CCDC88C: variants seen among roughly 807,000 people sequenced by gnomAD.
The protein encoded by CCDC88C is coiled-coil and HOOK domain protein 88C.
Under a neutral mutation model 198.8 loss-of-function variants are expected in CCDC88C, and 131 were observed. The observed-to-expected ratio is 0.66, with a 90% CI of 0.57 to 0.76. The LOEUF (loss-of-function observed/expected upper bound fraction) is 0.76, where lower values mean the gene tolerates loss of function less well. Ranked by LOEUF, CCDC88C falls within the 30% of genes least tolerant of loss-of-function variation. The probability of loss-of-function intolerance (pLI) is 0.00; values close to 1 mark genes in which losing one functional copy is unlikely to be tolerated. For missense variants in CCDC88C, 2,553 were observed against 2,631.6 expected (o/e 0.97, Z 0.65); for synonymous variants, 1,166 against 1,114.7 (o/e 1.05, Z -0.92).
intron 10 of CCDC88C, among the ~76,000 whole-genome samples, chr14:91,333,876 T>C (rs2037361100): frequency 1.3e-5 from 2 of 152,250 alleles, no homozygotes; most frequent in South Asian, 4.1e-4. Context: ...TATGAGAAGC[T>C]GCTTCACAGC....
In CCDC88C at chr14:91,313,422, C is replaced by T. The variant is rs531757115; in HGVS notation, c.2394G>A (p.Ala798=). ...GGAGGGCCTCCAGGTCCCGCCGCAG[C>T]GCCTGGCGCTCAGCCTCCAGCTCGC... The part of the protein sequence containing the change: ...ELGELEAERQ[A]LRRDLEALRL... Residue 798 remains alanine (A), a synonymous_variant, in exon 15 of 30, where the codon GCG becomes GCA. Coordinates refer to ENST00000389857, the MANE Select transcript of CCDC88C (RefSeq NM_001080414.4). The surrounding 1 kb of genome is among the most constrained non-coding windows in gnomAD (Gnocchi z 5.2). 4.2e-5 allele frequency: 68 copies of T among 1,607,420 alleles called. No homozygotes were observed. Among genetic ancestry groups the T allele is most frequent in the East Asian group, 2.7e-4 (12 of 44,856 alleles).
chr14:91,321,189 G>A lies in CCDC88C; in HGVS notation c.1458C>T (p.Ser486=), dbSNP rs1356504905. 6.2e-7 allele frequency: 1 copy of A among 1,612,878 alleles called. No homozygotes were observed. Among genetic ancestry groups the A allele is most frequent in the Non-Finnish European group, 8.5e-7 (1 of 1,179,524 alleles). ...QSTIQGLRDA[S]LVLEESGLKC... ...TGAGGCCGCTCTCCTCCAACACCAG[G>A]GACGCGTCCCGCAGCCCCTGGATGG... is the stretch of plus-strand genomic sequence containing the variant. The change falls in exon 13 of 30, where the codon TCC becomes TCT. Residue 486 remains serine, a synonymous_variant. Transcript: ENST00000389857.
In CCDC88C at chr14:91,303,987, A is replaced by G. The variant is rs1329806503; in HGVS notation, c.3358-9T>C. The G allele has an allele frequency of 6.3e-7, 1 of 1,594,680 alleles. No homozygotes were observed. Among genetic ancestry groups the G allele is most frequent in the Admixed American group, 1.7e-5 (1 of 59,860 alleles). ...AGCGTGGAGTTCTCCACCTGCCGAGAGGGAGAAGCGCGGCGTGGCGCAGGC... is the reference window on the plus strand; with the variant it reads ...AGCGTGGAGTTCTCCACCTGCCGAGGGGGAGAAGCGCGGCGTGGCGCAGGC... On this transcript the variant is annotated splice_polypyrimidine_tract_variant and intron_variant, in intron 19 of 29. Coordinates refer to ENST00000389857, the MANE Select transcript of CCDC88C (RefSeq NM_001080414.4).
intron 3 of CCDC88C, among the ~76,000 whole-genome samples, chr14:91,376,543 T>C (rs745321582): frequency 6.6e-6 from 1 of 152,188 alleles, no homozygotes; most frequent in Non-Finnish European, 1.5e-5. Flanking sequence ...ACAGCCCTGG[T>C]GGGGCACAGG....
At chr14:91,416,344 C>T (rs942380186) in intron 2 of CCDC88C, among the ~76,000 whole-genome samples, 1 of 152,124 alleles carries the variant, frequency 6.6e-6, no homozygotes, top group African/African-American at 2.4e-5. Context: ...TACAGTAACC[C>T]TCGGATGCCT....
intron 3 of CCDC88C, among the ~76,000 whole-genome samples, chr14:91,400,901 T>C (rs893056772): frequency 2.0e-5 from 3 of 152,182 alleles, no homozygotes; most frequent in African/African-American, 7.2e-5. Flanking sequence ...AGAACATTTG[T>C]TGAATGACTT....
rs962631553 is a variant in CCDC88C at position 91,289,519 on chromosome 14, CTAGAACT to C, written c.4203-183_4203-177del. 1.2e-4 allele frequency among the ~76,000 whole-genome samples: 19 copies of C among 152,130 alleles called. 1 individual carries two copies. Among genetic ancestry groups the C allele is most frequent in the Admixed American group, 9.8e-4 (15 of 15,276 alleles). ...GGTAATCATATTTGGGGCTCAGGAG[CTAGAACT>C]TAATTCTCAGTTTGGCACAGGGCTG... On this transcript the variant is annotated intron_variant, in intron 24 of 29. Transcript: ENST00000389857.
In CCDC88C at chr14:91,289,317, G is replaced by A. The variant is rs762298573; in HGVS notation, c.4229C>T (p.Ala1410Val). 4.3e-6 allele frequency: 7 copies of A among 1,614,018 alleles called. No homozygotes were observed. Among genetic ancestry groups the A allele is most frequent in the Admixed American group, 1.7e-5 (1 of 60,022 alleles). ...KKKNHWIGAK[A>V]LVKLIKPKKE... Reference sequence around the variant, plus strand: ...CTTTGGTTTGATGAGTTTGACTAAGGCTTTGGCTCCAATCCAGTGGTTCTT... The same window carrying A: ...CTTTGGTTTGATGAGTTTGACTAAGACTTTGGCTCCAATCCAGTGGTTCTT... Residue 1410 changes from alanine to valine, a missense_variant, in exon 25 of 30, where the codon GCC (alanine) becomes GTC (valine). By Grantham distance (64) the Ala-to-Val change is moderately conservative. Around this residue, in one of 2 missense-constraint regions of CCDC88C, gnomAD observed 1,293 missense variants for 1,219.6 expected, o/e 1.06. Coordinates refer to ENST00000389857, the MANE Select transcript of CCDC88C (RefSeq NM_001080414.4).
chr14:91,417,792 G>C lies in CCDC88C; in HGVS notation c.-102C>G. On this transcript the variant is annotated 5_prime_UTR_variant, in exon 1 of 30. Transcript: ENST00000389857. Reference sequence around the variant, plus strand: ...CGCAGCGAGCAGCGGGCGCGGGGCTGCGGCGGCTCGCGCCCGGGAGACAAA... The same window carrying C: ...CGCAGCGAGCAGCGGGCGCGGGGCTCCGGCGGCTCGCGCCCGGGAGACAAA... 1 of 705,496 alleles carries C rather than the reference G, an allele frequency of 1.4e-6. No homozygotes were observed. The highest frequency in any genetic ancestry group is 1.9e-6 in the Non-Finnish European group (1 of 535,416). 43.7% of individuals were successfully genotyped at this position (705,496 alleles called of 1,614,324 possible). A position where few individuals can be genotyped will look rare whatever the true frequency, so the allele number is the denominator to read the frequency against.
Position 91,272,141 on chromosome 14 carries a change from C to T in CCDC88C, c.*484G>A, listed in dbSNP as rs1948045119. The T allele has an allele frequency of 6.4e-6, 1 of 157,294 alleles. No individual in the cohort carries two copies. Among genetic ancestry groups the T allele is most frequent in the African/African-American group, 2.4e-5 (1 of 41,478 alleles). 9.7% of individuals were successfully genotyped at this position (157,294 alleles called of 1,614,324 possible). On this transcript the variant is annotated 3_prime_UTR_variant, in exon 30 of 30. Coordinates refer to ENST00000389857, the MANE Select transcript of CCDC88C (RefSeq NM_001080414.4). Reference sequence around the variant, plus strand: ...TCTGGGGTCTGCCAGGCCCTGGAGACCTTTGTAGTATCGCCAGTCTGGGCT... The same window carrying T: ...TCTGGGGTCTGCCAGGCCCTGGAGATCTTTGTAGTATCGCCAGTCTGGGCT...
At chr14:91,366,724 G>A (rs1369318705) in intron 3 of CCDC88C, among the ~76,000 whole-genome samples, 1 of 152,188 alleles carries the variant, frequency 6.6e-6, no homozygotes, top group Non-Finnish European at 1.5e-5. Context: ...GGAGCCAGGA[G>A]CACCCAAGGG....
At chr14:91,375,888 A>G (rs1399936788) in intron 3 of CCDC88C, among the ~76,000 whole-genome samples, 1 of 152,250 alleles carries the variant, frequency 6.6e-6, no homozygotes, top group Non-Finnish European at 1.5e-5. Context: ...CAGGTGCCGT[A>G]ACTGTGCCCA....
In CCDC88C at chr14:91,303,943, C is replaced by T. The variant is rs73336474; in HGVS notation, c.3393G>A (p.Ala1131=). The T allele has an allele frequency of 1.9e-5, 30 of 1,608,850 alleles. No homozygotes were observed. In the East Asian group the frequency reaches 5.6e-4, roughly 30 times the overall value. Residue 1131 remains alanine (A), a synonymous_variant, in exon 20 of 30, where the codon GCG becomes GCA. Transcript: ENST00000389857. ...ENSTLSSQSA[A]LTAQYTLLQN... Reference sequence around the variant, plus strand: ...GCAGCAGCGTGTACTGCGCGGTGAGCGCTGCGCTCTGGGAACTCAGCGTGG... The same window carrying T: ...GCAGCAGCGTGTACTGCGCGGTGAGTGCTGCGCTCTGGGAACTCAGCGTGG...
intron 21 of CCDC88C, 93 bp from the exon 22 acceptor site, chr14:91,297,584 T>C (rs759782578): frequency 3.6e-5 from 47 of 1,297,722 alleles, no homozygotes; most frequent in Non-Finnish European, 4.6e-5. Context: ...GCTCTGACAG[T>C]GGCAGGCTGT....
intron 3 of CCDC88C, among the ~76,000 whole-genome samples, chr14:91,382,313 T>A (rs192923198): frequency 4.6e-4 from 70 of 152,280 alleles, no homozygotes; most frequent in Admixed American, 1.6e-3. Flanking sequence ...AGATTAAACC[T>A]ATCTGCCACT....
intron 10 of CCDC88C, among the ~76,000 whole-genome samples, chr14:91,328,812 ACCGACAGAGCACCCCCAGCACTC>A (rs1432191279): frequency 6.6e-6 from 1 of 152,024 alleles, no homozygotes; most frequent in East Asian, 1.9e-4. Flanking sequence ...ACCAACTCAC[ACCGACAGAGCACCCCCAGCACTC>A]CCCACGGAGC....
intron 1 of CCDC88C, chr14:91,417,113 T>C (rs1372358309): frequency 1.1e-5 from 8 of 702,806 alleles, no homozygotes; most frequent in South Asian, 4.4e-5. Flanking sequence ...AAAGGACTTT[T>C]CAATAAATGT....
At chr14:91,378,286 A>T (rs936488878) in intron 3 of CCDC88C, among the ~76,000 whole-genome samples, 3 of 152,200 alleles carry the variant, frequency 2.0e-5, no homozygotes, top group Non-Finnish European at 4.4e-5. Context: ...CAAGAGAAGC[A>T]GGGGAAAGAG....
intron 20 of CCDC88C, among the ~76,000 whole-genome samples, chr14:91,302,120 T>C (rs1891323549): frequency 6.6e-6 from 1 of 152,162 alleles, no homozygotes; most frequent in African/African-American, 2.4e-5. Context: ...AATAAATGAA[T>C]GTCATCACCA....
Sources: gnomAD v4.1 joint callset for allele counts (sites outside exome capture counted in the v4.1 genomes callset) on GRCh38, gnomAD v4.1.1 for gene constraint, gnomAD v4.1.1 regional missense constraint, Gnocchi (gnomAD v3.1) non-coding constraint, MANE v1.5 for transcripts, NCBI Gene and HGNC (gene_info 2026-07-23, HGNC 2026-07-21) for gene names.